The following EPHB2 variants were observed in gnomAD, a reference collection of about 807,000 sequenced individuals.
The protein encoded by EPHB2 is EPH receptor B2.
Under a neutral mutation model 96.4 loss-of-function variants are expected in EPHB2, and 18 were observed. That is an observed-to-expected ratio of 0.19 (90% CI 0.13 to 0.28). The LOEUF is 0.28. EPHB2 is among the 10% of genes least tolerant of loss of function. The pLI is 1.00. For synonymous variants in EPHB2, 506 were observed against 534.1 expected (o/e 0.95, Z 0.72); for missense variants, 989 against 1,355.4 (o/e 0.73, Z 4.25).
chr1:22,775,067 C>T (rs1644430584), intron 1 of EPHB2: 1 of 689,878 alleles, frequency 1.4e-6, no homozygotes, highest in Non-Finnish European at 2.7e-6. Context: ...CCTTGCTATT[C>T]TCACACAGGC....
chr1:22,912,788 C>A, intron 15 of EPHB2, 189 bp downstream of exon 15: 1 of 756,228 alleles, frequency 1.3e-6, no homozygotes, highest in Non-Finnish European at 2.2e-6. Context: ...CACCTACAAG[C>A]TCTGTGACCT....
chr1:22,777,424 C>A (rs1275839469), intron 1 of EPHB2, among the ~76,000 whole-genome samples: 1 of 152,236 alleles, frequency 6.6e-6, no homozygotes, highest in African/African-American at 2.4e-5. Context: ...GACGTGAGTT[C>A]TCTCCCTTTG....
chr1:22,905,849 G>T, intron 9 of EPHB2, 138 bp from the exon 10 acceptor site: 2 of 1,352,424 alleles, frequency 1.5e-6, no homozygotes, highest in African/African-American at 2.9e-5. Flanking sequence ...GAGGTCAAGT[G>T]ACCTGCAGGG....
intron 3 of EPHB2, among the ~76,000 whole-genome samples, chr1:22,817,567 G>A (rs1294535136): frequency 6.6e-6 from 1 of 152,208 alleles, no homozygotes. Context: ...GTGTGCTTTG[G>A]GCACAGGGGT....
chr1:22,815,557 T>C (rs1374024329), intron 3 of EPHB2, among the ~76,000 whole-genome samples: 2 of 152,222 alleles, frequency 1.3e-5, no homozygotes, highest in Non-Finnish European at 2.9e-5. Context: ...CGCTGGAGGC[T>C]GGCCTGAGCC....
At chr1:22,829,963 C>T (rs116523444) in intron 3 of EPHB2, among the ~76,000 whole-genome samples, 18 of 152,230 alleles carry the variant, frequency 1.2e-4, no homozygotes, top group East Asian at 7.7e-4. Flanking sequence ...GTCGAGGCAC[C>T]GAGCAGAGGC....
At chr1:22,851,816 C>G (rs1032116003) in intron 3 of EPHB2, among the ~76,000 whole-genome samples, 1 of 152,226 alleles carries the variant, frequency 6.6e-6, no homozygotes, top group African/African-American at 2.4e-5. Flanking sequence ...TGCACACTCC[C>G]TCTCCCTGCA....
chr1:22,827,426 G>T (rs936898405), intron 3 of EPHB2, among the ~76,000 whole-genome samples: 13 of 152,206 alleles, frequency 8.5e-5, no homozygotes, highest in African/African-American at 3.1e-4. Context: ...TGTATTCTCC[G>T]CAAGGGTCCA....
chr1:22,728,877 G>A (rs762682328), intron 1 of EPHB2, among the ~76,000 whole-genome samples: 1 of 152,164 alleles, frequency 6.6e-6, no homozygotes, highest in Non-Finnish European at 1.5e-5. Context: ...TTGCAAATCC[G>A]CCTGCATGAC....
chr1:22,823,421 G>A (rs1461195143), intron 3 of EPHB2, among the ~76,000 whole-genome samples: 3 of 152,166 alleles, frequency 2.0e-5, no homozygotes, highest in Non-Finnish European at 4.4e-5. Flanking sequence ...CTAATGTGTG[G>A]ATGGCCTTTA....
intron 1 of EPHB2, among the ~76,000 whole-genome samples, chr1:22,739,728 T>C (rs1047261094): frequency 6.6e-6 from 1 of 152,150 alleles, no homozygotes; most frequent in Middle Eastern, 3.2e-3. Flanking sequence ...CAGGTGACCC[T>C]TGGGGAGTCA....
At chr1:22,713,584 C>T (rs1287951958) in intron 1 of EPHB2, among the ~76,000 whole-genome samples, 1 of 152,124 alleles carries the variant, frequency 6.6e-6, no homozygotes, top group Non-Finnish European at 1.5e-5. Flanking sequence ...ATTTGGGGGG[C>T]GGTGCTGCCT....
rs370664820 is a variant in EPHB2 at position 22,892,931 on chromosome 1, G to A, written c.1476G>A (p.Thr492=). 2.6e-5 allele frequency: 42 copies of A among 1,614,090 alleles called. No individual in the cohort carries two copies. Among genetic ancestry groups the A allele is most frequent in the African/African-American group, 2.3e-4 (17 of 74,928 alleles). ...CAGCCATAAAAAGCCCCACCAACAC[G>A]GTCACCGTGCAGGGCCTCAAAGCCG... ...NATAIKSPTN[T]VTVQGLKAGA... The change falls in exon 7 of 16, where the codon ACG becomes ACA. Residue 492 remains threonine, a synonymous_variant. Coordinates refer to ENST00000374630, the MANE Select transcript of EPHB2 (RefSeq NM_017449.5).
intron 3 of EPHB2, among the ~76,000 whole-genome samples, chr1:22,801,393 G>T (rs1329835278): frequency 6.6e-6 from 1 of 152,020 alleles, no homozygotes; most frequent in African/African-American, 2.4e-5. Flanking sequence ...TTTTATCCCA[G>T]CCACCGCCCT....
At chr1:22,725,510 A>G (rs1200849413) in intron 1 of EPHB2, among the ~76,000 whole-genome samples, 1 of 151,484 alleles carries the variant, frequency 6.6e-6, no homozygotes, top group Admixed American at 6.6e-5. Flanking sequence ...TCCCCCCGAG[A>G]CTCCCTTTTG....
chr1:22,903,031 T>C (rs1308552418), intron 9 of EPHB2, among the ~76,000 whole-genome samples: 2 of 152,232 alleles, frequency 1.3e-5, no homozygotes, highest in East Asian at 3.8e-4. Context: ...CAATAAGTCC[T>C]GTGAGCAGGC....
At chr1:22,755,680 G>T (rs1644138136) in intron 1 of EPHB2, among the ~76,000 whole-genome samples, 1 of 152,166 alleles carries the variant, frequency 6.6e-6, no homozygotes, top group Non-Finnish European at 1.5e-5. Context: ...AAGTGCCTCG[G>T]TTTCCTCATC....
chr1:22,807,747 TG>T (rs1644947400), intron 3 of EPHB2, among the ~76,000 whole-genome samples: 1 of 151,982 alleles, frequency 6.6e-6, no homozygotes, highest in Non-Finnish European at 1.5e-5. Context: ...CAGGGAGAGG[TG>T]GAACATTTGA....
intron 1 of EPHB2, among the ~76,000 whole-genome samples, chr1:22,760,290 G>A (rs780570961): frequency 1.3e-5 from 2 of 152,146 alleles, no homozygotes; most frequent in Non-Finnish European, 2.9e-5. Flanking sequence ...TGACCTTGTA[G>A]CCAGGTCCTG....
Sources: allele counts gnomAD v4.1 joint callset (sites outside exome capture counted in the v4.1 genomes callset), GRCh38; gene constraint gnomAD v4.1.1; transcripts MANE v1.5; gene names NCBI Gene and HGNC (gene_info 2026-07-23, HGNC 2026-07-21).